The following COL17A1 variants were observed in gnomAD, a reference collection of about 807,000 sequenced individuals.
The protein encoded by COL17A1 is collagen alpha-1(XVII) chain.
In COL17A1, 181 loss-of-function variants were observed where a neutral mutation model predicts 218.4. The observed-to-expected ratio is 0.83, with a 90% CI of 0.73 to 0.94. The LOEUF is 0.94. COL17A1 is among the 40% of genes least tolerant of loss of function. The pLI is 0.00. For synonymous variants in COL17A1, 721 were observed against 731.0 expected, an observed-to-expected ratio of 0.99 and a Z score of 0.22; for missense variants, 1,924 against 1,945.9, an observed-to-expected ratio of 0.99 and a Z score of 0.21.
At chr10:104,069,614 T>G (rs2086653682) in intron 9 of COL17A1, among the ~76,000 whole-genome samples, 1 of 152,214 alleles carries the variant, frequency 6.6e-6, no homozygotes, top group Admixed American at 6.5e-5. Flanking sequence ...CTCCCATATT[T>G]AGATAGGACT....
rs780925755 is a variant in COL17A1 at position 104,060,256 on chromosome 10, T to A, written c.1004A>T (p.Asp335Val). ...CTTGCAGTCCTTGTGCAAAAGGTCA[T>A]CGCTCTGCACACTTGTGGTGCAGGC... ...SAACTTSVQS[D>V]DLLHKDCKFL... The change falls in exon 14 of 56, where the codon GAT becomes GTT. Residue 335 changes from aspartate (D) to valine (V), a missense_variant. Coordinates refer to ENST00000648076, the MANE Select transcript of COL17A1 (RefSeq NM_000494.4). 1 of 1,614,118 alleles carries A rather than the reference T, an allele frequency of 6.2e-7. No homozygotes were observed. The highest frequency in any genetic ancestry group is 8.5e-7 in the Non-Finnish European group (1 of 1,180,038).
intron 43 of COL17A1, 103 bp from the exon 44 acceptor site, chr10:104,039,224 C>T: frequency 1.6e-6 from 2 of 1,227,324 alleles, no homozygotes; most frequent in East Asian, 4.8e-5. Flanking sequence ...CGTCCCATGT[C>T]TCTTGGCCTC....
At chr10:104,040,599 TA>T (rs1406323550) in intron 39 of COL17A1, among the ~76,000 whole-genome samples, 189 bp from the exon 40 acceptor site, 5 of 143,588 alleles carry the variant, frequency 3.5e-5, no homozygotes, top group Admixed American at 6.7e-5. Flanking sequence ...GATGGATGGA[TA>T]GGTGGATGGA....
chr10:104,050,325 A>G (rs113508174), intron 27 of COL17A1, among the ~76,000 whole-genome samples: 274 of 152,122 alleles, frequency 1.8e-3, no homozygotes, highest in African/African-American at 6.2e-3. Context: ...CCCCCTACAA[A>G]CTGACTCCCC....
At position 104,034,050 on chromosome 10, in the gene COL17A1, C is replaced by T. The variant is rs1482699547; in HGVS notation, c.4051G>A (p.Ala1351Thr). The change falls in exon 52 of 56, where the codon GCA becomes ACA. Residue 1351 changes from alanine (A) to threonine (T), a missense_variant. Coordinates refer to ENST00000648076, the MANE Select transcript of COL17A1 (RefSeq NM_000494.4). ...TTGCCAGCATACATGCCGCCTTCTG[C>T]TGCTGCCCCATAGCCTCCGCCTGGG... ...IGPGGGYGAAAEGGMYAGNGG... is the reference protein window; with the variant it reads ...IGPGGGYGAATEGGMYAGNGG... 1 of 1,614,160 alleles carries T rather than the reference C, an allele frequency of 6.2e-7. No homozygotes were observed. Among genetic ancestry groups the T allele is most frequent in the South Asian group, 1.1e-5 (1 of 91,092 alleles).
chr10:104,068,520 C>G (rs950940648), intron 9 of COL17A1, among the ~76,000 whole-genome samples: 1 of 152,190 alleles, frequency 6.6e-6, no homozygotes, highest in Non-Finnish European at 1.5e-5. Flanking sequence ...ATTACATGCT[C>G]TTAACCAGGC....
At position 104,064,540 on chromosome 10, in the gene COL17A1, A is replaced by G. The variant is rs1211299521; in HGVS notation, c.664T>C (p.Ser222Pro). ...LDANLPSHVWSSTLPAGSSMG... is the reference protein window; with the variant it reads ...LDANLPSHVWPSTLPAGSSMG... The stretch of plus-strand genomic sequence containing the variant: ...GAGGACCCCGCGGGCAGGGTGGAGG[A>G]CCACACATGGGAGGGAAGGTTGGCA... Residue 222 changes from serine to proline, a missense_variant, in exon 10 of 56, where the codon TCC becomes CCC. By Grantham distance (74) the Ser-to-Pro change is moderately conservative. Coordinates refer to ENST00000648076, the MANE Select transcript of COL17A1 (RefSeq NM_000494.4). 6.2e-7 allele frequency: 1 copy of G among 1,614,038 alleles called. No individual in the cohort carries two copies.
chr10:104,074,609 T>C (rs950184190), intron 5 of COL17A1, among the ~76,000 whole-genome samples: 1 of 152,234 alleles, frequency 6.6e-6, no homozygotes, highest in Non-Finnish European at 1.5e-5. Context: ...GGAACCTCTC[T>C]GACCTTATGA....
intron 2 of COL17A1, among the ~76,000 whole-genome samples, chr10:104,079,004 C>G (rs1041844762): frequency 4.6e-5 from 7 of 152,198 alleles, no homozygotes; most frequent in Non-Finnish European, 1.0e-4. Flanking sequence ...AACACCCTAG[C>G]TGACTTCACT....
chr10:104,050,680 G>T (rs2086460548), intron 26 of COL17A1, 24 bp from the exon 27 acceptor site: 1 of 1,613,980 alleles, frequency 6.2e-7, no homozygotes, highest in Non-Finnish European at 8.5e-7. Context: ...GGACACCTTG[G>T]TGTAAAATGC....
In COL17A1 at chr10:104,052,202, G is replaced by T. The variant is rs1400953789; in HGVS notation, c.1955C>A (p.Pro652Gln). ...EKGERGAAGE[P>Q]GPHGPPGVPG... ...GACACCAGGTGGGCCATGAGGACCTGGTTCACCAGCAGCCCCTGAGGAGAA... is the reference window on the plus strand; with the variant it reads ...GACACCAGGTGGGCCATGAGGACCTTGTTCACCAGCAGCCCCTGAGGAGAA... The change falls in exon 24 of 56, where the codon CCA becomes CAA. Residue 652 changes from proline (P) to glutamine (Q), a missense_variant. By Grantham distance (76) the Pro-to-Gln change is moderately conservative. Transcript: ENST00000648076. 2 of 1,614,012 alleles carry T rather than the reference G, an allele frequency of 1.2e-6. No individual in the cohort carries two copies. The highest frequency in any genetic ancestry group is 1.3e-5 in the African/African-American group (1 of 74,912).
Position 104,053,090 on chromosome 10 carries a change from C to A in COL17A1, c.1880G>T (p.Gly627Val). The change falls in exon 23 of 56, where the codon GGC (glycine) becomes GTC (valine). Residue 627 changes from glycine (G) to valine (V), a missense_variant. Transcript: ENST00000648076. ...EGPMGQRGRE[G>V]PMGPRGEAGP... is the part of the protein sequence containing the mutation. ...TGCCTCACCACGAGGTCCCATGGGG[C>A]CTTCTCGCCCTCTCTGGCCCATGGG... 6.2e-7 allele frequency: 1 copy of A among 1,613,956 alleles called. No homozygotes were observed.
At chr10:104,083,854 A>G (rs1020759746) in intron 1 of COL17A1, among the ~76,000 whole-genome samples, 2 of 152,274 alleles carry the variant, frequency 1.3e-5, no homozygotes, top group Admixed American at 6.5e-5. Context: ...AAATGTTCCT[A>G]TACTCTGCTA....
intron 25 of COL17A1, 149 bp from the exon 26 acceptor site, chr10:104,051,050 C>A: frequency 7.0e-7 from 1 of 1,430,346 alleles, no homozygotes; most frequent in African/African-American, 1.4e-5. Flanking sequence ...GACTCCTTCC[C>A]AAGTCCTTTT....
At chr10:104,077,381 C>T (rs1411416238) in intron 4 of COL17A1, 41 bp downstream of exon 4, 2 of 1,508,860 alleles carry the variant, frequency 1.3e-6, no homozygotes. Flanking sequence ...CTCTCTTTGT[C>T]ACCCATTCTT....
intron 53 of COL17A1, 121 bp from the exon 54 acceptor site, chr10:104,033,089 C>T: frequency 6.6e-7 from 1 of 1,520,126 alleles, no homozygotes; most frequent in Non-Finnish European, 8.9e-7. Context: ...TAAGAGGAAA[C>T]AAAGTTCAGA....
rs368332831 is a variant in COL17A1 at position 104,054,564 on chromosome 10, C to T, written c.1744+417G>A. On this transcript the variant is annotated intron_variant, in intron 20 of 55. Coordinates refer to ENST00000648076, the MANE Select transcript of COL17A1 (RefSeq NM_000494.4). ...GGCCCCAAAGTGGAGGAGCTGACTT[C>T]CTGCCCTGGGGTTGCCTAGGGAGTG... Among the ~76,000 whole-genome samples the T allele has an allele frequency of 1.4e-4, 21 of 152,206 alleles. No individual in the cohort carries two copies. The South Asian group carries it at 4.1e-3, about 30-fold the overall frequency.
intron 21 of COL17A1, 40 bp downstream of exon 21, chr10:104,054,052 G>GC (rs1564678555): frequency 1.2e-6 from 2 of 1,613,638 alleles, no homozygotes; most frequent in Non-Finnish European, 1.7e-6. Flanking sequence ...TTGAGCAGCT[G>GC]CAACACTGGC....
intron 15 of COL17A1, chr10:104,059,392 C>T (rs1036877556): frequency 5.3e-5 from 30 of 568,454 alleles, no homozygotes; most frequent in Non-Finnish European, 1.6e-5. Context: ...CCTTCGTAGA[C>T]ATGGCAGAGG....
Sources: allele counts gnomAD v4.1 joint callset (sites outside exome capture counted in the v4.1 genomes callset), GRCh38; gene constraint gnomAD v4.1.1; transcripts MANE v1.5; gene names NCBI Gene and HGNC (gene_info 2026-07-23, HGNC 2026-07-21).